Variants in DGKB observed in about 807,000 individuals in gnomAD.
DGKB encodes diacylglycerol kinase beta.
A neutral mutation model predicts 114.3 loss-of-function variants in DGKB; 67 were observed. That is an observed-to-expected ratio of 0.59 (90% CI 0.48 to 0.72). The LOEUF (loss-of-function observed/expected upper bound fraction) is 0.72, where lower values mean the gene tolerates loss of function less well. Among genes scored for constraint, DGKB ranks in the 30% least tolerant of loss-of-function variants. The probability of loss-of-function intolerance (pLI) is 0.00; values close to 1 mark genes in which losing one functional copy is unlikely to be tolerated. For synonymous variants in DGKB, 398 were observed against 323.1 expected (o/e 1.23, Z -2.49); for missense variants, 907 against 975.2 (o/e 0.93, Z 0.93).
At chr7:14,255,197 A>G (rs960931608) in intron 23 of DGKB, among the ~76,000 whole-genome samples, 3 of 152,168 alleles carry the variant, frequency 2.0e-5, no homozygotes, top group African/African-American at 7.2e-5. Flanking sequence ...CCAGCTTGAA[A>G]ACTCCTCTTG....
At chr7:14,643,353 G>C (rs993884069) in intron 13 of DGKB, among the ~76,000 whole-genome samples, 9 of 98,818 alleles carry the variant, frequency 9.1e-5, no homozygotes, top group Non-Finnish European at 2.2e-4. Flanking sequence ...TGACTGTATT[G>C]TTCCAGAGAG....
At chr7:14,780,100 A>C (rs925452286) in intron 2 of DGKB, among the ~76,000 whole-genome samples, 2 of 152,178 alleles carry the variant, frequency 1.3e-5, no homozygotes, top group African/African-American at 2.4e-5. Flanking sequence ...TGGGACACTT[A>C]AACAGTGATG....
At chr7:14,952,015 G>C (rs1786226945) in intron 1 of DGKB, among the ~76,000 whole-genome samples, 1 of 151,924 alleles carries the variant, frequency 6.6e-6, no homozygotes, top group South Asian at 2.1e-4. Flanking sequence ...GAACTTATTT[G>C]GAAATAGGGT....
At chr7:14,590,021 G>C (rs1801430532) in intron 17 of DGKB, among the ~76,000 whole-genome samples, 1 of 142,166 alleles carries the variant, frequency 7.0e-6, no homozygotes, top group Admixed American at 7.5e-5. Context: ...CGGGTCGGGG[G>C]AGGGGGGAGG....
intron 17 of DGKB, among the ~76,000 whole-genome samples, chr7:14,603,645 T>TG (rs1301549233): frequency 6.6e-6 from 1 of 152,142 alleles, no homozygotes; most frequent in African/African-American, 2.4e-5. Context: ...GGTTGACTGT[T>TG]GCATTATATT....
At chr7:14,780,208 A>G (rs1346542081) in intron 2 of DGKB, among the ~76,000 whole-genome samples, 1 of 152,206 alleles carries the variant, frequency 6.6e-6, no homozygotes, top group African/African-American at 2.4e-5. Flanking sequence ...ACATGAGTCT[A>G]TAAATGACCC....
intron 21 of DGKB, among the ~76,000 whole-genome samples, chr7:14,427,389 G>A (rs1261387455): frequency 2.0e-5 from 3 of 152,080 alleles, no homozygotes; most frequent in East Asian, 1.9e-4. Flanking sequence ...TCTCTAGGGA[G>A]TTCCAAATTG....
At chr7:14,212,014 A>ATGTTTTGTGATATTTACTCTCG (rs1788020024) in intron 23 of DGKB, among the ~76,000 whole-genome samples, 2 of 37,002 alleles carry the variant, frequency 5.4e-5, no homozygotes, top group African/African-American at 7.3e-5. Flanking sequence ...ATTTACTCTC[A>ATGTTTTGTGATATTTACTCTCG]TGTTTTGTGA....
chr7:14,889,175 T>C (rs965986171), intron 1 of DGKB, among the ~76,000 whole-genome samples: 3 of 151,662 alleles, frequency 2.0e-5, no homozygotes, highest in Non-Finnish European at 4.4e-5. Context: ...ATTATCCTTG[T>C]GAAGAATAAA....
At chr7:14,844,064 C>A (rs1465407109) in intron 1 of DGKB, among the ~76,000 whole-genome samples, 1 of 152,162 alleles carries the variant, frequency 6.6e-6, no homozygotes, top group Non-Finnish European at 1.5e-5. Flanking sequence ...TACTTGGTAA[C>A]AAGAAAGATA....
At chr7:14,439,214 A>G (rs1038307912) in intron 21 of DGKB, among the ~76,000 whole-genome samples, 5 of 152,142 alleles carry the variant, frequency 3.3e-5, no homozygotes, top group African/African-American at 9.7e-5. Flanking sequence ...GGTATTAGCT[A>G]ATGTCATCAG....
intron 20 of DGKB, among the ~76,000 whole-genome samples, chr7:14,540,525 C>T (rs1214337068): frequency 2.6e-5 from 4 of 152,052 alleles, no homozygotes; most frequent in Non-Finnish European, 5.9e-5. Flanking sequence ...CTTCATAATT[C>T]CTATCATACT....
At chr7:14,359,525 A>G (rs978679821) in intron 21 of DGKB, among the ~76,000 whole-genome samples, 3 of 149,620 alleles carry the variant, frequency 2.0e-5, no homozygotes, top group Non-Finnish European at 4.5e-5. Context: ...CAGAGTGAAC[A>G]GGCAACCTAC....
intron 3 of DGKB, 63 bp from the exon 4 acceptor site, chr7:14,754,011 C>T: frequency 9.0e-7 from 1 of 1,111,376 alleles, no homozygotes; most frequent in East Asian, 2.6e-5. Flanking sequence ...CTCATTATCT[C>T]ATATCTCTGA....
chr7:14,573,543 A>G (rs1322784669), intron 20 of DGKB, among the ~76,000 whole-genome samples: 1 of 151,706 alleles, frequency 6.6e-6, no homozygotes, highest in Non-Finnish European at 1.5e-5. Context: ...GCATGGGATG[A>G]CATACATTAA....
intron 2 of DGKB, among the ~76,000 whole-genome samples, chr7:14,832,861 C>G (rs1846618131): frequency 6.6e-6 from 1 of 152,110 alleles, no homozygotes; most frequent in South Asian, 2.1e-4. Flanking sequence ...TTCTATATGT[C>G]TGGCTCTGAT....
intron 1 of DGKB, among the ~76,000 whole-genome samples, chr7:14,894,558 T>C (rs1382253694): frequency 6.6e-6 from 1 of 151,604 alleles, no homozygotes; most frequent in Non-Finnish European, 1.5e-5. Context: ...GGACATTGCC[T>C]AGCCATAAAG....
intron 13 of DGKB, among the ~76,000 whole-genome samples, chr7:14,638,963 G>C (rs191645166): frequency 4.6e-5 from 7 of 152,022 alleles, no homozygotes; most frequent in African/African-American, 1.7e-4. Context: ...GCTTGAACCC[G>C]GGAGGTGGAG....
intron 2 of DGKB, among the ~76,000 whole-genome samples, chr7:14,809,419 A>G (rs1025001834): frequency 3.3e-5 from 5 of 152,082 alleles, no homozygotes; most frequent in Non-Finnish European, 5.9e-5. Flanking sequence ...GAAGTTAAAG[A>G]CTTCAAGTTC....
Sources: allele counts gnomAD v4.1 joint callset (sites outside exome capture counted in the v4.1 genomes callset), GRCh38; gene constraint gnomAD v4.1.1; transcripts MANE v1.5; gene names NCBI Gene and HGNC (gene_info 2026-07-23, HGNC 2026-07-21).